The following UQCC1 variants were observed in gnomAD, a reference collection of about 807,000 sequenced individuals.
UQCC1 encodes the protein ubiquinol-cytochrome c reductase complex assembly factor 1.
In UQCC1, 38 loss-of-function variants were observed where a neutral mutation model predicts 48.0. The ratio of observed to expected loss-of-function variants is 0.79; its 90% CI spans 0.61 to 1.04. The LOEUF (loss-of-function observed/expected upper bound fraction) is 1.04, where lower values mean the gene tolerates loss of function less well. Among genes scored for constraint, UQCC1 ranks in the 50% least tolerant of loss-of-function variants. The pLI is 0.00. For synonymous variants in UQCC1, 111 were observed against 129.2 expected (o/e 0.86, Z 0.95); for missense variants, 368 against 381.8 (o/e 0.96, Z 0.30).
chr20:35,303,913 G>T lies in UQCC1; in HGVS notation c.*22C>A. On this transcript the variant is annotated 3_prime_UTR_variant, in exon 10 of 10. Coordinates refer to ENST00000374385, the MANE Select transcript of UQCC1 (RefSeq NM_018244.5). The stretch of plus-strand genomic sequence containing the variant: ...GAGGTTCCTCGAAGCCAGCTGGCGG[G>T]CCGTGCGGAGGGCCCAGCCCATCAA... The T allele has an allele frequency of 6.2e-7, 1 of 1,614,124 alleles. No individual in the cohort carries two copies. Among genetic ancestry groups the T allele is most frequent in the Non-Finnish European group, 8.5e-7 (1 of 1,179,972 alleles).
intron 6 of UQCC1, among the ~76,000 whole-genome samples, chr20:35,363,570 G>A (rs1000110840): frequency 1.3e-5 from 2 of 152,168 alleles, no homozygotes; most frequent in Non-Finnish European, 2.9e-5. Flanking sequence ...TTCCTCCAGG[G>A]AACTAACAGG....
chr20:35,322,222 T>C (rs1468218859), intron 7 of UQCC1, among the ~76,000 whole-genome samples: 2 of 152,192 alleles, frequency 1.3e-5, no homozygotes, highest in Non-Finnish European at 2.9e-5. Flanking sequence ...GCACTGATGG[T>C]GCGGAGTCCT....
chr20:35,377,349 A>C (rs768740132), intron 4 of UQCC1, among the ~76,000 whole-genome samples: 3 of 152,236 alleles, frequency 2.0e-5, no homozygotes, highest in Non-Finnish European at 2.9e-5. Context: ...AGTTCTAGGA[A>C]GTATCTGACC....
At chr20:35,358,788 G>A (rs578251889) in intron 6 of UQCC1, among the ~76,000 whole-genome samples, 2 of 152,066 alleles carry the variant, frequency 1.3e-5, no homozygotes, top group African/African-American at 2.4e-5. Context: ...TCAAACTCCC[G>A]ACCTCAAGTG....
chr20:35,308,243 A>G (rs1277530744), intron 8 of UQCC1, among the ~76,000 whole-genome samples: 1 of 152,226 alleles, frequency 6.6e-6, no homozygotes, highest in Non-Finnish European at 1.5e-5. Flanking sequence ...ACGGTTCCAC[A>G]GCTTAGGACT....
At chr20:35,409,846 C>T (rs1328719344) in intron 1 of UQCC1, among the ~76,000 whole-genome samples, 1 of 152,048 alleles carries the variant, frequency 6.6e-6, no homozygotes, top group Non-Finnish European at 1.5e-5. Flanking sequence ...CACTCTTTCA[C>T]CCAGGCTGGA....
intron 1 of UQCC1, among the ~76,000 whole-genome samples, chr20:35,406,717 T>C (rs2062256191): frequency 6.6e-6 from 1 of 152,212 alleles, no homozygotes; most frequent in African/African-American, 2.4e-5. Context: ...CAAATGGATT[T>C]TTTGTTTGTA....
intron 1 of UQCC1, 30 bp downstream of exon 1, chr20:35,411,910 G>A (rs751333082): frequency 1.2e-6 from 2 of 1,614,076 alleles, no homozygotes; most frequent in Admixed American, 1.7e-5. Flanking sequence ...GACCCAGAGA[G>A]CTACCGTAGA....
At chr20:35,330,529 A>G (rs866807774) in intron 7 of UQCC1, among the ~76,000 whole-genome samples, 3 of 152,192 alleles carry the variant, frequency 2.0e-5, no homozygotes, top group Admixed American at 2.0e-4. Flanking sequence ...TCCTTTACAT[A>G]GTTCCTGAGG....
At chr20:35,317,680 T>C (rs1327425989) in intron 7 of UQCC1, among the ~76,000 whole-genome samples, 1 of 152,214 alleles carries the variant, frequency 6.6e-6, no homozygotes, top group Non-Finnish European at 1.5e-5. Flanking sequence ...CATGTCTGAT[T>C]AATCTCGGCA....
chr20:35,324,279 C>A (rs2061164658), intron 7 of UQCC1, among the ~76,000 whole-genome samples: 1 of 152,212 alleles, frequency 6.6e-6, no homozygotes, highest in Admixed American at 6.5e-5. Flanking sequence ...AAGTCAGCCT[C>A]CCAAGTAGCT....
rs1198006186 is a variant in UQCC1, at chr20:35,358,356, CAAAAAAAAAAAAAA to C, written c.464+8187_464+8200del. Among the ~76,000 whole-genome samples the C allele has an allele frequency of 6.1e-5, 3 of 49,390 alleles. No individual in the cohort carries two copies. In the South Asian group the frequency reaches 3.7e-3, roughly 61 times the overall value. The allele number at this position is 49,390 out of a possible 152,430, so 32.4% of individuals were successfully genotyped here. On this transcript the variant is annotated intron_variant, in intron 6 of 9. Coordinates refer to ENST00000374385, the MANE Select transcript of UQCC1 (RefSeq NM_018244.5). ...GCATCAACAGTGAGAGACTCTGTCT[CAAAAAAAAAAAAAA>C]AAAAAAAAAAGCAAAGTATCAGTGT...
intron 4 of UQCC1, among the ~76,000 whole-genome samples, chr20:35,379,698 T>C (rs957004114): frequency 3.3e-5 from 5 of 151,920 alleles, no homozygotes; most frequent in Non-Finnish European, 7.4e-5. Context: ...CCCAGCTACT[T>C]AGGAGGCTGA....
intron 6 of UQCC1, among the ~76,000 whole-genome samples, chr20:35,365,207 C>T (rs1168417044): frequency 6.6e-6 from 1 of 152,090 alleles, no homozygotes; most frequent in African/African-American, 2.4e-5. Context: ...ACTTCTTACT[C>T]ATATTTATTA....
intron 7 of UQCC1, among the ~76,000 whole-genome samples, chr20:35,338,878 A>ATATATAT (rs2061344260): frequency 3.3e-5 from 2 of 60,610 alleles, no homozygotes; most frequent in Non-Finnish European, 5.5e-5. Flanking sequence ...AAAAAAAAAA[A>ATATATAT]AAAAAAAAAA....
intron 7 of UQCC1, among the ~76,000 whole-genome samples, chr20:35,337,792 T>A (rs1252817835): frequency 2.6e-5 from 4 of 152,176 alleles, no homozygotes; most frequent in Admixed American, 1.3e-4. Flanking sequence ...AAAGCAATGG[T>A]GGAAACAGGA....
rs369143752 is a variant in UQCC1, at chr20:35,384,677, T to C, written c.130-544A>G. ...AAAAAAAAAAAAGAGAGAGAGAGAG[T>C]GAATTCAAAGGCCAGGTGGCGTGGC... is the stretch of plus-strand genomic sequence containing the variant. On this transcript the variant is annotated intron_variant, in intron 2 of 9. Coordinates refer to ENST00000374385, the MANE Select transcript of UQCC1 (RefSeq NM_018244.5). 764 of 393,984 alleles carry C rather than the reference T, an allele frequency of 1.9e-3. 3 individuals are homozygous for C. The highest frequency in any genetic ancestry group is 0.018 in the African/African-American group (723 of 40,338). The allele number at this position is 393,984 out of a possible 1,614,324, so 24.4% of individuals were successfully genotyped here. A position where few individuals can be genotyped will look rare whatever the true frequency, so the allele number is the denominator to read the frequency against.
chr20:35,314,621 G>C, intron 8 of UQCC1, 67 bp downstream of exon 8: 2 of 1,372,338 alleles, frequency 1.5e-6, no homozygotes, highest in East Asian at 2.3e-5. Context: ...TTCCCTCAGA[G>C]GCTCTCATCA....
At chr20:35,325,518 C>T (rs906158351) in intron 7 of UQCC1, among the ~76,000 whole-genome samples, 2 of 152,172 alleles carry the variant, frequency 1.3e-5, no homozygotes, top group Non-Finnish European at 2.9e-5. Context: ...AGACTATAAA[C>T]GGTCTTGGTA....
Sources: allele counts gnomAD v4.1 joint callset (sites outside exome capture counted in the v4.1 genomes callset), GRCh38; gene constraint gnomAD v4.1.1; transcripts MANE v1.5; gene names NCBI Gene and HGNC (gene_info 2026-07-23, HGNC 2026-07-21).